Variants in LRMDA observed in about 807,000 individuals in gnomAD.
LRMDA encodes leucine-rich melanocyte differentiation-associated protein.
LRMDA carries 18 observed loss-of-function variants against 29.8 expected under a neutral mutation model. The ratio of observed to expected loss-of-function variants is 0.60; its 90% CI spans 0.42 to 0.90. The LOEUF is 0.90. Among genes scored for constraint, LRMDA ranks in the 40% least tolerant of loss-of-function variants. The pLI is 0.00. For synonymous variants in LRMDA, 125 were observed against 109.4 expected, an observed-to-expected ratio of 1.14 and a Z score of -0.89; for missense variants, 273 against 273.9, an observed-to-expected ratio of 1.00 and a Z score of 0.02.
intron 2 of LRMDA, among the ~76,000 whole-genome samples, chr10:75,980,484 G>A (rs1288382505): frequency 6.6e-6 from 1 of 152,208 alleles, no homozygotes; most frequent in Non-Finnish European, 1.5e-5. Context: ...GTAAGGTTTG[G>A]TTGGGCCTCG....
Position 76,176,423 on chromosome 10 carries a change from T to C in LRMDA, c.516+117640T>C, listed in dbSNP as rs1159065252. On this transcript the variant is annotated intron_variant, in intron 5 of 6. Coordinates refer to ENST00000611255, the MANE Select transcript of LRMDA (RefSeq NM_001305581.2). ...GTGACTGTGTAGAGGCTGGCGCTGC[T>C]TGGGGGCATGCACTGGCACACACCA... Among the ~76,000 whole-genome samples, 5 of 152,240 alleles carry C rather than the reference T, an allele frequency of 3.3e-5. No individual in the cohort carries two copies. In the East Asian group the frequency reaches 9.7e-4, roughly 29 times the overall value.
At chr10:75,778,536 C>G (rs893608049) in intron 2 of LRMDA, among the ~76,000 whole-genome samples, 12 of 152,188 alleles carry the variant, frequency 7.9e-5, no homozygotes, top group African/African-American at 2.9e-4. Flanking sequence ...TCTGCTTTCT[C>G]TGTAGTCAAT....
chr10:76,526,965 G>A (rs1318645219), intron 6 of LRMDA, among the ~76,000 whole-genome samples: 6 of 117,738 alleles, frequency 5.1e-5, no homozygotes, highest in Non-Finnish European at 3.5e-5. Context: ...ACCCTAAAAC[G>A]TAAAGTATAA....
At chr10:75,560,777 A>G (rs1484069573) in intron 2 of LRMDA, among the ~76,000 whole-genome samples, 1 of 152,086 alleles carries the variant, frequency 6.6e-6, no homozygotes, top group Non-Finnish European at 1.5e-5. Flanking sequence ...CCTTTTCTGC[A>G]TCTATTGAGA....
intron 2 of LRMDA, chr10:75,450,283 G>C (rs1052285970): frequency 1.3e-5 from 2 of 151,864 alleles, no homozygotes; most frequent in African/African-American, 4.8e-5. Context: ...TTTTTTTAAA[G>C]CTCCTCCTCC....
chr10:75,504,729 G>A (rs1398747802), intron 2 of LRMDA, among the ~76,000 whole-genome samples: 1 of 152,162 alleles, frequency 6.6e-6, no homozygotes, highest in African/African-American at 2.4e-5. Context: ...TTAGGAACTA[G>A]TAGAAGGTTG....
rs554098606 is a variant in LRMDA, at chr10:75,817,472, G to A, written c.132-218536G>A. 9.2e-5 allele frequency among the ~76,000 whole-genome samples: 14 copies of A among 152,282 alleles called. No homozygotes were observed. In the South Asian group the frequency reaches 2.9e-3, roughly 32 times the overall value. On this transcript the variant is annotated intron_variant, in intron 2 of 6. Coordinates refer to ENST00000611255, the MANE Select transcript of LRMDA (RefSeq NM_001305581.2). ...ACTCTGTGATTTTAAAATAAACCAT[G>A]TGATACAGTCTGTAGAAATGAAGGG...
chr10:75,611,902 C>T (rs1383986283), intron 2 of LRMDA, among the ~76,000 whole-genome samples: 1 of 152,180 alleles, frequency 6.6e-6, no homozygotes, highest in Non-Finnish European at 1.5e-5. Flanking sequence ...TCCTCTTGCC[C>T]TGGAGCCCCT....
chr10:75,656,216 T>C (rs1841672814), intron 2 of LRMDA, among the ~76,000 whole-genome samples: 1 of 152,194 alleles, frequency 6.6e-6, no homozygotes, highest in African/African-American at 2.4e-5. Flanking sequence ...GACTAATGTT[T>C]TGTGTGGAGA....
intron 6 of LRMDA, among the ~76,000 whole-genome samples, chr10:76,543,874 C>T (rs189154192): frequency 6.6e-6 from 1 of 152,218 alleles, no homozygotes; most frequent in Admixed American, 6.5e-5. Context: ...GGAGGCCTAC[C>T]AATAGTTACA....
chr10:76,403,249 T>G (rs143502131), intron 6 of LRMDA: 96 of 151,964 alleles, frequency 6.3e-4, no homozygotes, highest in African/African-American at 2.2e-3. Context: ...GGCATGTGGA[T>G]AGACCCTGTA....
intron 2 of LRMDA, among the ~76,000 whole-genome samples, chr10:75,788,639 C>T (rs1359670238): frequency 6.6e-6 from 1 of 152,198 alleles, no homozygotes; most frequent in Non-Finnish European, 1.5e-5. Flanking sequence ...ATAGTTTTTA[C>T]ACAAGAGAAA....
At chr10:76,457,460 G>A (rs188832824) in intron 6 of LRMDA, among the ~76,000 whole-genome samples, 19 of 152,224 alleles carry the variant, frequency 1.2e-4, no homozygotes, top group Non-Finnish European at 2.2e-4. Context: ...CAGACTGTAT[G>A]CAAATGTCTT....
chr10:76,091,313 G>C (rs527870587), intron 5 of LRMDA, among the ~76,000 whole-genome samples: 10 of 150,004 alleles, frequency 6.7e-5, no homozygotes, highest in Admixed American at 4.0e-4. Flanking sequence ...GTGTGTGTGT[G>C]TGTGTCTGTG....
At chr10:76,345,662 A>G (rs1841098450) in intron 6 of LRMDA, among the ~76,000 whole-genome samples, 1 of 151,978 alleles carries the variant, frequency 6.6e-6, no homozygotes, top group Non-Finnish European at 1.5e-5. Context: ...GAAAAAGAGT[A>G]TGGTGGGGAA....
At chr10:75,615,923 A>T (rs1463626294) in intron 2 of LRMDA, among the ~76,000 whole-genome samples, 1 of 152,222 alleles carries the variant, frequency 6.6e-6, no homozygotes, top group South Asian at 2.1e-4. Flanking sequence ...TGTTTGTTAA[A>T]TAATGTTGGC....
chr10:75,654,362 A>G (rs1397704901), intron 2 of LRMDA, among the ~76,000 whole-genome samples: 1 of 152,172 alleles, frequency 6.6e-6, no homozygotes. Flanking sequence ...CAGTTTATAT[A>G]AGTTGAATGG....
intron 5 of LRMDA, among the ~76,000 whole-genome samples, chr10:76,262,836 ACT>A (rs1482740141): frequency 1.3e-5 from 2 of 151,858 alleles, no homozygotes; most frequent in African/African-American, 2.4e-5. Context: ...GACTTGTGAC[ACT>A]CTGTTTCCAC....
At chr10:76,366,986 C>A (rs899560416) in intron 6 of LRMDA, among the ~76,000 whole-genome samples, 2 of 152,106 alleles carry the variant, frequency 1.3e-5, no homozygotes, top group African/African-American at 4.8e-5. Context: ...TTGTTGAGTG[C>A]TTTTTCTGCA....
Sources: gnomAD v4.1 joint callset for allele counts (sites outside exome capture counted in the v4.1 genomes callset) on GRCh38, gnomAD v4.1.1 for gene constraint, MANE v1.5 for transcripts, NCBI Gene and HGNC (gene_info 2026-07-23, HGNC 2026-07-21) for gene names.